TASP1: variants seen among roughly 807,000 people sequenced by gnomAD.
TASP1 encodes threonine aspartase 1.
Under a neutral mutation model 56.6 loss-of-function variants are expected in TASP1, and 16 were observed. The ratio of observed to expected loss-of-function variants is 0.28; its 90% CI spans 0.19 to 0.43. The LOEUF (loss-of-function observed/expected upper bound fraction) is 0.43. Among genes scored for constraint, TASP1 ranks in the 20% least tolerant of loss-of-function variants. TASP1 has a pLI of 1.00. For missense variants in TASP1, 393 were observed against 511.6 expected (o/e 0.77, Z 2.24); for synonymous variants, 179 against 184.2 (o/e 0.97, Z 0.23).
the TASP1 span, among the ~76,000 whole-genome samples, chr20:13,260,375 A>G: frequency 6.6e-6 from 1 of 152,226 alleles, no homozygotes; most frequent in Non-Finnish European, 1.5e-5. Context: ...CAATGAAGCT[A>G]TTACCAAAAA....
chr20:13,292,798 G>A, the TASP1 span, among the ~76,000 whole-genome samples: 44 of 152,258 alleles, frequency 2.9e-4, no homozygotes, highest in Non-Finnish European at 5.0e-4. Flanking sequence ...TTCATTGAGC[G>A]TCCTCAAGAA....
chr20:13,299,688 C>A, the TASP1 span: 1 of 458,912 alleles, frequency 2.2e-6, no homozygotes, highest in Non-Finnish European at 3.9e-6. The surrounding 1 kb of genome is among the most constrained non-coding windows in gnomAD (Gnocchi z 5.8). Flanking sequence ...CCCTGGGGAG[C>A]GATGTGGGCA....
At chr20:13,231,091 T>G in the TASP1 span, among the ~76,000 whole-genome samples, 1 of 152,162 alleles carries the variant, frequency 6.6e-6, no homozygotes, top group South Asian at 2.1e-4. Context: ...TTGTTCTTTG[T>G]CTCAGGGCCT....
chr20:13,469,792 C>CTTTTTTTTTTTT lies in TASP1; in HGVS notation c.985+13423_985+13434dup, dbSNP rs546419566. 2.1e-3 allele frequency among the ~76,000 whole-genome samples: 83 copies of CTTTTTTTTTTTT among 39,546 alleles called. 20 individuals carry two copies. Among genetic ancestry groups the CTTTTTTTTTTTT allele is most frequent in the Non-Finnish European group, 3.0e-3 (65 of 21,466 alleles). 25.9% of individuals were successfully genotyped at this position (39,546 alleles called of 152,430 possible). A position where few individuals can be genotyped will look rare whatever the true frequency, so the allele number is the denominator to read the frequency against. On this transcript the variant is annotated intron_variant, in intron 11 of 13. Coordinates refer to ENST00000337743, the MANE Select transcript of TASP1 (RefSeq NM_017714.3). ...ACAGTTGTCCAGGTCAATAAATGTC[C>CTTTTTTTTTTTT]TTTTTTTTTTTTTTTTTTTTTTTTT...
intron 5 of TASP1, among the ~76,000 whole-genome samples, chr20:13,583,164 C>A (rs148486873): frequency 6.6e-6 from 1 of 152,198 alleles, no homozygotes; most frequent in African/African-American, 2.4e-5. Flanking sequence ...AAGTGTTCCA[C>A]GGGGTGCCTG....
chr20:13,263,917 T>C, the TASP1 span, among the ~76,000 whole-genome samples: 1 of 152,368 alleles, frequency 6.6e-6, no homozygotes. Context: ...CCAAATGCAT[T>C]GCTAATAATA....
intron 4 of TASP1, among the ~76,000 whole-genome samples, chr20:13,618,126 C>A (rs571845216): frequency 1.3e-5 from 2 of 151,982 alleles, no homozygotes; most frequent in Non-Finnish European, 2.9e-5. Flanking sequence ...AAATGAAGAG[C>A]TAGCTGGGCA....
At chr20:13,629,224 C>T (rs1004424236) in intron 2 of TASP1, among the ~76,000 whole-genome samples, 4 of 151,816 alleles carry the variant, frequency 2.6e-5, no homozygotes, top group Admixed American at 6.6e-5. Flanking sequence ...ATTAGCCAGA[C>T]GTGATGGTGG....
intron 12 of TASP1, among the ~76,000 whole-genome samples, chr20:13,425,236 C>T (rs1477932033): frequency 6.6e-6 from 1 of 152,178 alleles, no homozygotes; most frequent in East Asian, 1.9e-4. Context: ...GCATTTAAAT[C>T]ACCAGCTTTA....
intron 6 of TASP1, among the ~76,000 whole-genome samples, chr20:13,579,299 G>T (rs1177586638): frequency 2.6e-5 from 4 of 152,106 alleles, no homozygotes; most frequent in Admixed American, 2.0e-4. Context: ...GTAAATTATG[G>T]ATTGGTAATC....
chr20:13,207,302 C>T, the TASP1 span, among the ~76,000 whole-genome samples: 3 of 152,182 alleles, frequency 2.0e-5, no homozygotes, highest in Admixed American at 2.0e-4. Flanking sequence ...CTCTTAAGGC[C>T]TTCCCTCAAA....
intron 13 of TASP1, among the ~76,000 whole-genome samples, chr20:13,397,699 C>T (rs542715540): frequency 2.0e-5 from 3 of 152,184 alleles, no homozygotes; most frequent in Non-Finnish European, 4.4e-5. Flanking sequence ...TCAGAGAAAT[C>T]GGTTTGAGCC....
chr20:13,487,276 G>A (rs1358614217), intron 10 of TASP1, among the ~76,000 whole-genome samples: 5 of 152,174 alleles, frequency 3.3e-5, no homozygotes, highest in Non-Finnish European at 7.4e-5. Context: ...TAGGCCCAGC[G>A]TACACAGCAG....
At position 13,469,792 on chromosome 20, in the gene TASP1, CTTTTTTTTTTTTTTTTT is replaced by C. The variant is rs546419566; in HGVS notation, c.985+13418_985+13434del. Among the ~76,000 whole-genome samples the C allele has an allele frequency of 1.5e-3, 58 of 39,550 alleles. 1 individual carries two copies. In the Admixed American group the frequency reaches 0.015, roughly 10 times the overall value. 25.9% of individuals were successfully genotyped at this position (39,550 alleles called of 152,430 possible). A position where few individuals can be genotyped will look rare whatever the true frequency, so the allele number is the denominator to read the frequency against. ...ACAGTTGTCCAGGTCAATAAATGTC[CTTTTTTTTTTTTTTTTT>C]TTTTTTTTTTTTTTTTTGAGAGAGT... is the stretch of plus-strand genomic sequence containing the variant. On this transcript the variant is annotated intron_variant, in intron 11 of 13. Transcript: ENST00000337743.
the TASP1 span, among the ~76,000 whole-genome samples, chr20:13,246,172 C>T: frequency 6.6e-6 from 1 of 151,730 alleles, no homozygotes; most frequent in Admixed American, 6.6e-5. Flanking sequence ...ACTCGGGAGG[C>T]TGAGGCAGCA....
intron 11 of TASP1, among the ~76,000 whole-genome samples, chr20:13,482,866 T>G (rs1317622123): frequency 6.6e-6 from 1 of 152,230 alleles, no homozygotes; most frequent in Non-Finnish European, 1.5e-5. Context: ...TCAACCTTTT[T>G]CTGAAAAATC....
At chr20:13,240,732 G>A in the TASP1 span, among the ~76,000 whole-genome samples, 1 of 152,164 alleles carries the variant, frequency 6.6e-6, no homozygotes, top group African/African-American at 2.4e-5. Context: ...CAATAATTCA[G>A]GTAAGAGGTG....
the TASP1 span, chr20:13,154,139 G>GT: frequency 1.2e-6 from 2 of 1,613,970 alleles, no homozygotes; most frequent in African/African-American, 1.3e-5. Flanking sequence ...GTAAAGTAGC[G>GT]TAAGTATCCA....
the TASP1 span, among the ~76,000 whole-genome samples, chr20:13,370,934 A>G: frequency 6.6e-6 from 1 of 152,004 alleles, no homozygotes; most frequent in South Asian, 2.1e-4. Context: ...ATTTCATCTA[A>G]GTTGTCTGAT....
Sources: allele counts gnomAD v4.1 joint callset (sites outside exome capture counted in the v4.1 genomes callset), GRCh38; gene constraint gnomAD v4.1.1; non-coding constraint Gnocchi (gnomAD v3.1); transcripts MANE v1.5; gene names NCBI Gene and HGNC (gene_info 2026-07-23, HGNC 2026-07-21).